The following ITGA4 variants were observed in gnomAD, a reference collection of about 807,000 sequenced individuals.
ITGA4 encodes integrin subunit alpha 4.
Under a neutral mutation model 133.6 loss-of-function variants are expected in ITGA4, and 63 were observed. The observed-to-expected ratio is 0.47, with a 90% CI of 0.38 to 0.58. ITGA4 has a LOEUF of 0.58. Among genes scored for constraint, ITGA4 ranks in the 20% least tolerant of loss-of-function variants. The pLI is 0.00. For synonymous variants in ITGA4, 483 were observed against 438.0 expected, an observed-to-expected ratio of 1.10 and a Z score of -1.28; for missense variants, 1,076 against 1,252.7, an observed-to-expected ratio of 0.86 and a Z score of 2.13.
In ITGA4 at chr2:181,457,539, G is replaced by A; in HGVS notation, c.-116G>A. Reference sequence around the variant, plus strand: ...TCTCTCCTTCCTTTAGCCCGCTGGCGCCGGACACGCTGCGCCTCATCTCTT... The same window carrying A: ...TCTCTCCTTCCTTTAGCCCGCTGGCACCGGACACGCTGCGCCTCATCTCTT... On this transcript the variant is annotated 5_prime_UTR_variant, in exon 1 of 28. Transcript: ENST00000397033. The A allele has an allele frequency of 1.1e-6, 1 of 951,442 alleles. No individual in the cohort carries two copies. Among genetic ancestry groups the A allele is most frequent in the Non-Finnish European group, 1.5e-6 (1 of 650,954 alleles). 58.9% of individuals were successfully genotyped at this position (951,442 alleles called of 1,614,324 possible).
chr2:181,500,620 C>T (rs1686247094), intron 15 of ITGA4, among the ~76,000 whole-genome samples: 1 of 152,084 alleles, frequency 6.6e-6, no homozygotes, highest in Non-Finnish European at 1.5e-5. Flanking sequence ...CTCTGCATTC[C>T]TTACAATGAA....
Position 181,458,337 on chromosome 2 carries a change from A to G in ITGA4, c.319+20A>G, listed in dbSNP as rs1482717952. 6.2e-7 allele frequency: 1 copy of G among 1,606,614 alleles called. No individual in the cohort carries two copies. The highest frequency in any genetic ancestry group is 8.5e-7 in the Non-Finnish European group (1 of 1,176,362). On this transcript the variant is annotated intron_variant, in intron 2 of 27. Transcript: ENST00000397033. ...AGCTGGGTGAGTTGGGTATGGGACCAGGAGTTAGTGACCTCCCGACCCCCC... is the reference window on the plus strand; with the variant it reads ...AGCTGGGTGAGTTGGGTATGGGACCGGGAGTTAGTGACCTCCCGACCCCCC...
At position 181,504,827 on chromosome 2, in the gene ITGA4, G is replaced by A. The variant is rs527799465; in HGVS notation, c.1696-4831G>A. ...CTGAGAATGTTCTATTGGTATAATG[G>A]TTAGGGCATTTGTCTTAGGGGTGCT... On this transcript the variant is annotated intron_variant, in intron 15 of 27. Transcript: ENST00000397033. Among the ~76,000 whole-genome samples, 104 of 151,890 alleles carry A rather than the reference G, an allele frequency of 6.8e-4. 1 individual carries two copies. The highest frequency in any genetic ancestry group is 3.4e-3 in the Middle Eastern group (1 of 294).
At position 181,535,625 on chromosome 2, in the gene ITGA4, C is replaced by T. The variant is rs1450454117; in HGVS notation, c.*98C>T. 1 of 1,423,894 alleles carries T rather than the reference C, an allele frequency of 7.0e-7. No individual in the cohort carries two copies. Among genetic ancestry groups the T allele is most frequent in the Non-Finnish European group, 9.4e-7 (1 of 1,066,574 alleles). 88.2% of individuals were successfully genotyped at this position (1,423,894 alleles called of 1,614,324 possible). On this transcript the variant is annotated 3_prime_UTR_variant, in exon 28 of 28. Transcript: ENST00000397033. The stretch of plus-strand genomic sequence containing the variant: ...CAAGAAAAAATGAATTTTGTTTGGA[C>T]TTCTTTTACTCATGATCTTGTGACA...
At chr2:181,472,722 A>G (rs1237442918) in intron 2 of ITGA4, among the ~76,000 whole-genome samples, 1 of 152,230 alleles carries the variant, frequency 6.6e-6, no homozygotes, top group Non-Finnish European at 1.5e-5. Context: ...TTGGTTTGGC[A>G]TTAGGTAGCC....
chr2:181,476,487 G>A (rs1295390726), intron 4 of ITGA4, among the ~76,000 whole-genome samples: 2 of 152,158 alleles, frequency 1.3e-5, no homozygotes, highest in African/African-American at 4.8e-5. Context: ...AAAGGAAGCT[G>A]TGGTTCCAAT....
chr2:181,458,907 T>C (rs1012383271), intron 2 of ITGA4: 16 of 152,410 alleles, frequency 1.0e-4, no homozygotes, highest in African/African-American at 3.6e-4. Flanking sequence ...GTTATATGGG[T>C]CCATCTTTTT....
chr2:181,457,711 G>T lies in ITGA4; in HGVS notation c.57G>T (p.Thr19=). The change falls in exon 1 of 28, where the codon ACG becomes ACT. Residue 19 remains threonine (T), a synonymous_variant. Transcript: ENST00000397033. ...CCCGAAGGGCCGCCGTCCGGGAGACGGTGATGCTGTTGCTGTGCCTGGGGG... is the reference window on the plus strand; with the variant it reads ...CCCGAAGGGCCGCCGTCCGGGAGACTGTGATGCTGTTGCTGTGCCTGGGGG... The part of the protein sequence containing the change: ...PGPRRAAVRE[T]VMLLLCLGVP... 1 of 1,612,402 alleles carries T rather than the reference G, an allele frequency of 6.2e-7. No individual in the cohort carries two copies.
intron 15 of ITGA4, among the ~76,000 whole-genome samples, chr2:181,506,541 A>G (rs1686396906): frequency 1.3e-5 from 2 of 152,106 alleles, no homozygotes; most frequent in Admixed American, 1.3e-4. Context: ...CACTATATAC[A>G]TAAATTGATA....
Position 181,524,228 on chromosome 2 carries a change from AG to A in ITGA4, c.2228del (p.Ser743IlefsTer17), listed in dbSNP as rs1686787234. On this transcript the variant is annotated frameshift_variant, in exon 20 of 28. Transcript: ENST00000397033. LOFTEE classifies it high-confidence loss of function. ...SSLSRAEEDL[S>X]ITVHATCENE... is the part of the protein sequence containing the mutation. ...ACTCAGCAGAGCGGAAGAGGACCTC[AG>A]TATCACAGTGCATGCTACCTGGTAT... The A allele has an allele frequency of 1.3e-6, 2 of 1,590,574 alleles. No homozygotes were observed. Among genetic ancestry groups the A allele is most frequent in the Admixed American group, 1.7e-5 (1 of 57,666 alleles).
chr2:181,464,586 T>A (rs539216046), intron 2 of ITGA4, among the ~76,000 whole-genome samples: 2 of 152,218 alleles, frequency 1.3e-5, no homozygotes, highest in East Asian at 3.9e-4. Context: ...AGGAGTGAAA[T>A]CTGAGTAGTG....
At chr2:181,487,222 TC>T (rs1316814778) in intron 10 of ITGA4, among the ~76,000 whole-genome samples, 1 of 152,112 alleles carries the variant, frequency 6.6e-6, no homozygotes, top group Non-Finnish European at 1.5e-5. Context: ...ATCACTAGCT[TC>T]CCCCTACTTC....
chr2:181,485,539 C>CT (rs1401147174), intron 9 of ITGA4, among the ~76,000 whole-genome samples: 3 of 152,144 alleles, frequency 2.0e-5, no homozygotes, highest in African/African-American at 7.2e-5. Flanking sequence ...TGCCTTGCCC[C>CT]TTTTCACCTT....
chr2:181,486,106 G>A (rs1685910161), intron 10 of ITGA4, 114 bp downstream of exon 10: 3 of 1,368,778 alleles, frequency 2.2e-6, no homozygotes, highest in South Asian at 3.3e-5. Context: ...GAGCCAGAAT[G>A]GCATGCTAAG....
Position 181,523,261 on chromosome 2 carries a change from T to C in ITGA4, c.2074-176T>C. ...ATATACACATACATATATACACACA[T>C]GCACACATATTTATATCATATGTCT... On this transcript the variant is annotated intron_variant, in intron 18 of 27. Transcript: ENST00000397033. This position sits in a 1 kb window ranked among gnomAD's most constrained non-coding sequence, Gnocchi z 4.2. 3 of 521,740 alleles carry C rather than the reference T, an allele frequency of 5.7e-6. No homozygotes were observed. In the South Asian group the frequency reaches 6.3e-5, roughly 11 times the overall value. 32.3% of individuals were successfully genotyped at this position (521,740 alleles called of 1,614,324 possible).
chr2:181,535,083 A>T (rs1334185327), intron 27 of ITGA4, 148 bp downstream of exon 27: 5 of 849,350 alleles, frequency 5.9e-6, no homozygotes, highest in Non-Finnish European at 6.6e-6. Context: ...ATTTCTCTTC[A>T]ACACCAAAGT....
In ITGA4 at chr2:181,527,400, A is replaced by C; in HGVS notation, c.2430+13A>C. ...CTTAACTTTCCATGTAAGAAAAGTT[A>C]ATTGTGTTAATATTTGTAACAACCT... On this transcript the variant is annotated intron_variant, in intron 22 of 27. Coordinates refer to ENST00000397033, the MANE Select transcript of ITGA4 (RefSeq NM_000885.6). The C allele has an allele frequency of 6.5e-7, 1 of 1,536,734 alleles. No individual in the cohort carries two copies. The highest frequency in any genetic ancestry group is 9.0e-7 in the Non-Finnish European group (1 of 1,110,462).
rs1031753202 is a variant in ITGA4, at chr2:181,537,260, TCCTACTCAGA to T, written c.*1734_*1743del. On this transcript the variant is annotated 3_prime_UTR_variant, in exon 28 of 28. Transcript: ENST00000397033. ...CTAAGGAAATTTACATTTGGTTCTT[TCCTACTCAGA>T]ACTACTCAGAAACAACTATATATTT... is the stretch of plus-strand genomic sequence containing the variant. 2 of 453,736 alleles carry T rather than the reference TCCTACTCAGA, an allele frequency of 4.4e-6. No homozygotes were observed. The highest frequency in any genetic ancestry group is 4.4e-6 in the Non-Finnish European group (1 of 226,742). 28.1% of individuals were successfully genotyped at this position (453,736 alleles called of 1,614,324 possible).
At position 181,530,637 on chromosome 2, in the gene ITGA4, T is replaced by C. The variant is rs1321480700; in HGVS notation, c.2652T>C (p.Asp884=). ...KGIVRFLSKT[D]KRLLYCIKAD... ...TAGTCCGGTTCTTGTCCAAGACTGA[T>C]AAGAGGCTATTGGTAAGTTTCAGTT... The change falls in exon 24 of 28, where the codon GAT becomes GAC. Residue 884 remains aspartate (D), a synonymous_variant. Coordinates refer to ENST00000397033, the MANE Select transcript of ITGA4 (RefSeq NM_000885.6). 1.9e-6 allele frequency: 3 copies of C among 1,611,036 alleles called. No individual in the cohort carries two copies. The highest frequency in any genetic ancestry group is 1.7e-4 in the Middle Eastern group (1 of 6,050).
Sources: gnomAD v4.1 joint callset for allele counts (sites outside exome capture counted in the v4.1 genomes callset) on GRCh38, gnomAD v4.1.1 for gene constraint, Gnocchi (gnomAD v3.1) non-coding constraint, MANE v1.5 for transcripts, NCBI Gene and HGNC (gene_info 2026-07-23, HGNC 2026-07-21) for gene names.